TBC1D4: variants seen among roughly 807,000 people sequenced by gnomAD.
The protein encoded by TBC1D4 is TBC (Tre-2, BUB2, CDC16) domain-containing protein.
Under a neutral mutation model 142.5 loss-of-function variants are expected in TBC1D4, and 121 were observed. The ratio of observed to expected loss-of-function variants is 0.85; its 90% CI spans 0.73 to 0.99. The LOEUF (loss-of-function observed/expected upper bound fraction) is 0.99, where lower values mean the gene tolerates loss of function less well. Ranked by LOEUF, TBC1D4 falls within the 50% of genes least tolerant of loss-of-function variation. TBC1D4 has a pLI of 0.00. For missense variants in TBC1D4, 1,475 were observed against 1,606.6 expected, an observed-to-expected ratio of 0.92 and a Z score of 1.40; for synonymous variants, 630 against 628.2, an observed-to-expected ratio of 1.00 and a Z score of -0.04.
chr13:75,380,864 C>A (rs1883804876), intron 1 of TBC1D4, among the ~76,000 whole-genome samples: 1 of 152,038 alleles, frequency 6.6e-6, no homozygotes. Context: ...CCTTACCTTT[C>A]CCCCTACCTT....
Position 75,362,327 on chromosome 13 carries a change from G to A in TBC1D4, c.779C>T (p.Pro260Leu), listed in dbSNP as rs980418906. 4.3e-6 allele frequency: 7 copies of A among 1,613,888 alleles called. No homozygotes were observed. In the African/African-American group the frequency reaches 5.3e-5, roughly 12 times the overall value. The change falls in exon 2 of 21, where the codon CCC becomes CTC. Residue 260 changes from proline to leucine, a missense_variant. Physicochemically the swap from Pro to Leu is moderately conservative, Grantham distance 98. This residue lies in a region of TBC1D4 where 1,227 missense variants were observed against 1,267.7 expected (regional missense o/e 0.97). Coordinates refer to ENST00000377636, the MANE Select transcript of TBC1D4 (RefSeq NM_014832.5). This position sits in a 1 kb window ranked among gnomAD's most constrained non-coding sequence, Gnocchi z 4.2. ...CGGCAGGCAGTCTCCGGGGGACCCGGGCACCACCACCTCCAAGTCAGCCAG... is the reference window on the plus strand; with the variant it reads ...CGGCAGGCAGTCTCCGGGGGACCCGAGCACCACCACCTCCAAGTCAGCCAG... The part of the protein sequence containing the change: ...EDLADLEVVV[P>L]GSPGDCLPEE...
At chr13:75,405,659 T>C (rs1050020838) in intron 1 of TBC1D4, among the ~76,000 whole-genome samples, 14 of 152,224 alleles carry the variant, frequency 9.2e-5, no homozygotes, top group African/African-American at 3.4e-4. Context: ...TTTCTTTTTG[T>C]TTTAACTTTT....
chr13:75,418,340 T>A (rs146678420), intron 1 of TBC1D4, among the ~76,000 whole-genome samples: 228 of 152,220 alleles, frequency 1.5e-3, no homozygotes, highest in Middle Eastern at 6.8e-3. Context: ...AGAATCCAGA[T>A]GGAGGGATAA....
intron 1 of TBC1D4, among the ~76,000 whole-genome samples, chr13:75,462,798 G>T (rs993012392): frequency 2.0e-5 from 3 of 151,976 alleles, no homozygotes; most frequent in African/African-American, 7.3e-5. Context: ...GACCCTCCTT[G>T]GCTCATCACC....
intron 1 of TBC1D4, among the ~76,000 whole-genome samples, chr13:75,367,457 C>T (rs1175093691): frequency 6.6e-6 from 1 of 151,730 alleles, no homozygotes; most frequent in Admixed American, 6.6e-5. Flanking sequence ...TTGATATAAG[C>T]TTCACTGCTT....
intron 1 of TBC1D4, among the ~76,000 whole-genome samples, chr13:75,411,273 T>C (rs1357419820): frequency 2.0e-5 from 3 of 152,130 alleles, no homozygotes; most frequent in Non-Finnish European, 4.4e-5. Context: ...TGTGATGAAA[T>C]AGAACTAGTT....
At chr13:75,470,454 T>A (rs1398310735) in intron 1 of TBC1D4, among the ~76,000 whole-genome samples, 1 of 152,078 alleles carries the variant, frequency 6.6e-6, no homozygotes, top group Non-Finnish European at 1.5e-5. Flanking sequence ...ACTTACTGAA[T>A]CAAAAACTCC....
Position 75,481,324 on chromosome 13 carries a change from G to C in TBC1D4, c.444C>G (p.Asp148Glu). The C allele has an allele frequency of 6.2e-7, 1 of 1,613,900 alleles. No individual in the cohort carries two copies. Among genetic ancestry groups the C allele is most frequent in the South Asian group, 1.1e-5 (1 of 91,084 alleles). Residue 148 changes from aspartate (D) to glutamate (E), a missense_variant, in exon 1 of 21, where the codon GAC (aspartate) becomes GAG (glutamate). Asp to Glu is a conservative substitution (Grantham distance 45, BLOSUM62 2). Coordinates refer to ENST00000377636, the MANE Select transcript of TBC1D4 (RefSeq NM_014832.5). The stretch of plus-strand genomic sequence containing the variant: ...GGCAGGCCATCTGCGACTCGGGGTC[G>C]TCGGGCTGCGCCTTGATCAGGTAGG... ...YFAYLIKAQP[D>E]DPESQMACHV... is the part of the protein sequence containing the mutation.
At chr13:75,449,124 A>G (rs1052821671) in intron 1 of TBC1D4, among the ~76,000 whole-genome samples, 1 of 152,046 alleles carries the variant, frequency 6.6e-6, no homozygotes, top group African/African-American at 2.4e-5. Flanking sequence ...CACATATAAT[A>G]CTAACGTGTG....
chr13:75,284,302 A>ATAT lies in TBC1D4; in HGVS notation c.*2487_*2489dup, dbSNP rs1314630790. Among the ~76,000 whole-genome samples the ATAT allele has an allele frequency of 6.6e-6, 1 of 152,096 alleles. No homozygotes were observed. The highest frequency in any genetic ancestry group is 1.5e-5 in the Non-Finnish European group (1 of 68,030). Reference sequence around the variant, plus strand: ...CTATTATTATTATTATATCCTCACCATATTATTATTATATACTCACCATAA... The same window carrying ATAT: ...CTATTATTATTATTATATCCTCACCATATTATTATTATTATATACTCACCATAA... On this transcript the variant is annotated 3_prime_UTR_variant, in exon 21 of 21. Coordinates refer to ENST00000377636, the MANE Select transcript of TBC1D4 (RefSeq NM_014832.5).
chr13:75,292,798 A>C (rs939560876), intron 18 of TBC1D4, among the ~76,000 whole-genome samples: 2 of 152,188 alleles, frequency 1.3e-5, no homozygotes, highest in African/African-American at 4.8e-5. Flanking sequence ...GAGAAATATA[A>C]GAGCTACCCT....
chr13:75,451,046 T>A (rs191085266), intron 1 of TBC1D4, among the ~76,000 whole-genome samples: 16 of 152,340 alleles, frequency 1.1e-4, no homozygotes, highest in African/African-American at 3.4e-4. Flanking sequence ...AAGTATAGTA[T>A]GTCTTATTTT....
intron 1 of TBC1D4, among the ~76,000 whole-genome samples, chr13:75,480,873 G>GCACACACACACACA (rs71657792): frequency 4.0e-5 from 4 of 98,788 alleles, no homozygotes; most frequent in African/African-American, 1.4e-4. Context: ...GCGCGCACAC[G>GCACACACACACACA]CACGCACACA....
intron 1 of TBC1D4, among the ~76,000 whole-genome samples, chr13:75,387,831 T>C (rs943392517): frequency 6.6e-6 from 1 of 152,216 alleles, no homozygotes; most frequent in Non-Finnish European, 1.5e-5. Flanking sequence ...GCTTACAACT[T>C]GTATTAGCTT....
chr13:75,379,489 C>A (rs1264647258), intron 1 of TBC1D4, among the ~76,000 whole-genome samples: 9 of 152,056 alleles, frequency 5.9e-5, no homozygotes, highest in Non-Finnish European at 1.3e-4. Context: ...TGTCACAATG[C>A]CTAACATGAG....
chr13:75,323,923 T>C (rs1878993978), intron 11 of TBC1D4, among the ~76,000 whole-genome samples: 2 of 152,146 alleles, frequency 1.3e-5, no homozygotes, highest in African/African-American at 2.4e-5. Context: ...GTTCACTTAG[T>C]ATATGTTAGC....
chr13:75,308,268 A>T (rs1235985136), intron 14 of TBC1D4, among the ~76,000 whole-genome samples: 1 of 152,176 alleles, frequency 6.6e-6, no homozygotes, highest in Non-Finnish European at 1.5e-5. Flanking sequence ...TTAACCTGTA[A>T]AATCATATAG....
At position 75,299,518 on chromosome 13, in the gene TBC1D4, A is replaced by G. The variant is rs753422774; in HGVS notation, c.2968T>C (p.Ser990Pro). 6.2e-7 allele frequency: 1 copy of G among 1,614,212 alleles called. No individual in the cohort carries two copies. The highest frequency in any genetic ancestry group is 1.7e-5 in the Admixed American group (1 of 60,030). ...TAGGCTTTCAGGAGGTTAAACAGTG[A>G]CAGCTGTCCTGGCCCAAGCTGTACT... ...FSVQLGPGQLSLFNLLKAYSL... is the reference protein window; with the variant it reads ...FSVQLGPGQLPLFNLLKAYSL... The change falls in exon 17 of 21, where the codon TCA becomes CCA. Residue 990 changes from serine (S) to proline (P), a missense_variant. Transcript: ENST00000377636.
chr13:75,408,536 T>C (rs1358778245), intron 1 of TBC1D4, among the ~76,000 whole-genome samples: 2 of 152,210 alleles, frequency 1.3e-5, no homozygotes, highest in African/African-American at 4.8e-5. Context: ...AATAGTGTCA[T>C]GTATGAGTTT....
Sources: allele counts gnomAD v4.1 joint callset (sites outside exome capture counted in the v4.1 genomes callset), GRCh38; gene constraint gnomAD v4.1.1; regional missense constraint gnomAD v4.1.1; non-coding constraint Gnocchi (gnomAD v3.1); transcripts MANE v1.5; gene names NCBI Gene and HGNC (gene_info 2026-07-23, HGNC 2026-07-21).